TMEM50B: variants seen among roughly 807,000 people sequenced by gnomAD.
TMEM50B encodes HCV p7-trans-regulated protein 3.
In TMEM50B, 14 loss-of-function variants were observed where a neutral mutation model predicts 23.4. That is an observed-to-expected ratio of 0.60 (90% CI 0.39 to 0.93). The LOEUF is 0.93. Ranked by LOEUF, TMEM50B falls within the 40% of genes least tolerant of loss-of-function variation. The probability of loss-of-function intolerance (pLI) is 0.00; values close to 1 mark genes in which losing one functional copy is unlikely to be tolerated. For synonymous variants in TMEM50B, 64 were observed against 62.3 expected (o/e 1.03, Z -0.13); for missense variants, 159 against 193.0 (o/e 0.82, Z 1.04).
chr21:33,455,604 A>G (rs1165323387), intron 6 of TMEM50B, 123 bp downstream of exon 6: 2 of 844,456 alleles, frequency 2.4e-6, no homozygotes, highest in Non-Finnish European at 3.9e-6. Context: ...CTCACCTTTT[A>G]AAAGAAGTTC....
intron 1 of TMEM50B, among the ~76,000 whole-genome samples, chr21:33,473,325 T>C (rs538611679): frequency 1.3e-5 from 2 of 151,930 alleles, no homozygotes; most frequent in South Asian, 4.2e-4. Context: ...TGGTGGCCCT[T>C]ACCTGTAGAC....
At position 33,460,943 on chromosome 21, in the gene TMEM50B, G is replaced by A. The variant is rs116266672; in HGVS notation, c.281-438C>T. ...CATTATTCAATATGGTACAAATAAC[G>A]GCCATTCTTTAGGAGTATATTCAGG... On this transcript the variant is annotated intron_variant, in intron 4 of 6. Coordinates refer to ENST00000542230, the MANE Select transcript of TMEM50B (RefSeq NM_006134.7). Among the ~76,000 whole-genome samples, 921 of 152,162 alleles carry A rather than the reference G, an allele frequency of 6.1e-3. 5 individuals carry two copies. Among genetic ancestry groups the A allele is most frequent in the African/African-American group, 0.021 (870 of 41,504 alleles).
At chr21:33,463,935 TAATA>T (rs2084240310) in intron 4 of TMEM50B, among the ~76,000 whole-genome samples, 1 of 152,026 alleles carries the variant, frequency 6.6e-6, no homozygotes, top group African/African-American at 2.4e-5. Flanking sequence ...ATTAATAAAA[TAATA>T]AATACATTAG....
intron 5 of TMEM50B, among the ~76,000 whole-genome samples, chr21:33,458,328 A>G (rs2084188168): frequency 6.6e-6 from 1 of 152,194 alleles, no homozygotes; most frequent in Non-Finnish European, 1.5e-5. Context: ...AGCCTGACCA[A>G]TATGGTGAAA....
chr21:33,445,431 T>C (rs4816457), downstream of TMEM50B, among the ~76,000 whole-genome samples: 13,986 of 152,360 alleles, frequency 0.092, 858 homozygotes, highest in East Asian at 0.25. Context: ...GTCTTGTTTT[T>C]CTTAGCATGG....
exon 9 of TMEM50B, chr21:33,432,597 G>T: frequency 8.7e-7 from 1 of 1,153,288 alleles, no homozygotes; most frequent in South Asian, 1.2e-5. Context: ...GGGGTAGAGG[G>T]ACTTGCCCAT....
At chr21:33,447,928 A>G (rs1211968349), downstream of TMEM50B, among the ~76,000 whole-genome samples, 1 of 152,228 alleles carries the variant, frequency 6.6e-6, no homozygotes, top group Non-Finnish European at 1.5e-5. Context: ...GATGATTACC[A>G]AAGATTCTGC....
In TMEM50B at chr21:33,450,643, T is replaced by C; in HGVS notation, c.*175A>G. ...GTATTATATACATATTAACAGTCTA[T>C]GCAATGAAAAATAAAGAAATTTCAT... On this transcript the variant is annotated 3_prime_UTR_variant, in exon 7 of 7. Coordinates refer to ENST00000542230, the MANE Select transcript of TMEM50B (RefSeq NM_006134.7). 1.8e-6 allele frequency: 1 copy of C among 561,960 alleles called. No individual in the cohort carries two copies. Among genetic ancestry groups the C allele is most frequent in the Non-Finnish European group, 3.2e-6 (1 of 310,052 alleles). 34.8% of individuals were successfully genotyped at this position (561,960 alleles called of 1,614,324 possible). A position where few individuals can be genotyped will look rare whatever the true frequency, so the allele number is the denominator to read the frequency against.
At chr21:33,444,878 C>G (rs181989370), downstream of TMEM50B, among the ~76,000 whole-genome samples, 167 of 151,060 alleles carry the variant, frequency 1.1e-3, no homozygotes, top group Middle Eastern at 3.4e-3. Context: ...TACCTGTAAT[C>G]CCAGCACTTT....
intron 1 of TMEM50B, among the ~76,000 whole-genome samples, chr21:33,472,310 G>C (rs997880875): frequency 1.3e-5 from 2 of 151,916 alleles, no homozygotes; most frequent in Non-Finnish European, 1.5e-5. Context: ...CTGAACCCAG[G>C]AGGCGGAGGT....
chr21:33,456,004 A>G (rs1410007787), intron 5 of TMEM50B: 4 of 699,236 alleles, frequency 5.7e-6, no homozygotes, highest in African/African-American at 1.8e-5. Context: ...ATGAACTTAC[A>G]AAGTTTTCTT....
chr21:33,455,051 G>A (rs879164412), intron 6 of TMEM50B, among the ~76,000 whole-genome samples: 2 of 152,088 alleles, frequency 1.3e-5, no homozygotes, highest in Non-Finnish European at 2.9e-5. Flanking sequence ...CCGAGGCGGA[G>A]GCTGCAGTGA....
chr21:33,456,358 C>G (rs188467096), intron 5 of TMEM50B, among the ~76,000 whole-genome samples: 47 of 152,264 alleles, frequency 3.1e-4, no homozygotes, highest in African/African-American at 1.1e-3. Context: ...ACCACAATGC[C>G]TGGCTCTCAA....
At chr21:33,469,603 A>T (rs2123452035) in intron 1 of TMEM50B, 1 of 152,334 alleles carries the variant, frequency 6.6e-6, no homozygotes. Context: ...TAACTTCTCC[A>T]TGCCACTTCC....
Position 33,449,913 on chromosome 21 carries a change from A to C in TMEM50B, c.*905T>G, listed in dbSNP as rs1358807563. On this transcript the variant is annotated 3_prime_UTR_variant, in exon 7 of 7. Transcript: ENST00000542230. ...CAGTCTTTTTACAGTAACCATAAAAAACTGAGTTTATTTGATCATGTATTA... is the reference window on the plus strand; with the variant it reads ...CAGTCTTTTTACAGTAACCATAAAACACTGAGTTTATTTGATCATGTATTA... 6.6e-6 allele frequency: 1 copy of C among 152,646 alleles called. No individual in the cohort carries two copies. Among genetic ancestry groups the C allele is most frequent in the Non-Finnish European group, 1.5e-5 (1 of 68,044 alleles). The allele number at this position is 152,646 out of a possible 1,614,324, so 9.5% of individuals were successfully genotyped here.
chr21:33,452,915 G>T (rs1009318484), intron 6 of TMEM50B, among the ~76,000 whole-genome samples: 3 of 151,386 alleles, frequency 2.0e-5, no homozygotes, highest in African/African-American at 7.3e-5. Flanking sequence ...GGTGGAAGAG[G>T]GCATGAGCAT....
chr21:33,447,207 G>C (rs773144469), downstream of TMEM50B: 15 of 144,748 alleles, frequency 1.0e-4, no homozygotes, highest in Non-Finnish European at 2.0e-4. Context: ...GTTCAGCCCA[G>C]GGTTTCCCAA....
intron 1 of TMEM50B, 59 bp from the exon 2 acceptor site, chr21:33,468,985 AC>A: frequency 1.2e-6 from 1 of 859,748 alleles, no homozygotes; most frequent in Non-Finnish European, 1.8e-6. Context: ...AAAGTAAAAT[AC>A]CTTACTCCTT....
At chr21:33,438,147 G>A in intron 8 of TMEM50B, among the ~76,000 whole-genome samples, 1 of 152,194 alleles carries the variant, frequency 6.6e-6, no homozygotes, top group African/African-American at 2.4e-5. Context: ...AGCTAGTCGT[G>A]GTGGTGCACA....
Sources: gnomAD v4.1 joint callset for allele counts (sites outside exome capture counted in the v4.1 genomes callset) on GRCh38, gnomAD v4.1.1 for gene constraint, MANE v1.5 for transcripts, NCBI Gene and HGNC (gene_info 2026-07-23, HGNC 2026-07-21) for gene names.